GPHN: variants seen among roughly 807,000 people sequenced by gnomAD.
GPHN encodes the protein gephyrin.
A neutral mutation model predicts 95.5 loss-of-function variants in GPHN; 17 were observed. The ratio of observed to expected loss-of-function variants is 0.18; its 90% confidence interval spans 0.12 to 0.27. The LOEUF (loss-of-function observed/expected upper bound fraction) is 0.27. Among genes scored for constraint, GPHN ranks in the 10% least tolerant of loss-of-function variants. The pLI is 1.00. For missense variants in GPHN, 660 were observed against 978.1 expected, an observed-to-expected ratio of 0.67 and a Z score of 4.34; for synonymous variants, 320 against 322.5, an observed-to-expected ratio of 0.99 and a Z score of 0.08.
chr14:67,690,168 C>T, the GPHN span: 1 of 1,560,934 alleles, frequency 6.4e-7, no homozygotes, highest in Non-Finnish European at 8.8e-7. Flanking sequence ...TTTTACCTGC[C>T]TCTCTCTGAC....
At chr14:66,955,539 G>A (rs949992835) in intron 8 of GPHN, among the ~76,000 whole-genome samples, 29 of 151,764 alleles carry the variant, frequency 1.9e-4, no homozygotes, top group Non-Finnish European at 2.2e-4. Context: ...AGATTTGTTC[G>A]TTTTGTTATT....
chr14:67,558,376 C>A, the GPHN span, among the ~76,000 whole-genome samples: 1 of 152,270 alleles, frequency 6.6e-6, no homozygotes, highest in South Asian at 2.1e-4. Flanking sequence ...CAGCATTAAC[C>A]CAATAGGCCC....
Position 67,135,702 on chromosome 14 carries a change from A to T in GPHN, c.1749-7660A>T, listed in dbSNP as rs528398814. Among the ~76,000 whole-genome samples, 19 of 151,634 alleles carry T rather than the reference A, an allele frequency of 1.3e-4. No individual in the cohort carries two copies. In the East Asian group the frequency reaches 1.9e-3, roughly 15 times the overall value. On this transcript the variant is annotated intron_variant, in intron 17 of 22. Coordinates refer to ENST00000478722, the MANE Select transcript of GPHN (RefSeq NM_020806.5). ...ATGTTTTTGTTTTGCTTTTTTTTTT[A>T]AATCAATCTTGGCTGGAACTTAGTA...
the GPHN span, among the ~76,000 whole-genome samples, chr14:67,209,879 G>A: frequency 6.6e-6 from 1 of 150,492 alleles, no homozygotes; most frequent in Non-Finnish European, 1.5e-5. Flanking sequence ...TATATAAGTA[G>A]TTGGTAGGAA....
At chr14:67,084,187 T>C (rs1015634740) in intron 11 of GPHN, among the ~76,000 whole-genome samples, 3 of 152,184 alleles carry the variant, frequency 2.0e-5, no homozygotes, top group Non-Finnish European at 4.4e-5. Context: ...TAAGAGTAAA[T>C]GTAGTCCTTC....
At chr14:67,468,517 C>T in the GPHN span, among the ~76,000 whole-genome samples, 2 of 152,176 alleles carry the variant, frequency 1.3e-5, no homozygotes, top group African/African-American at 4.8e-5. Flanking sequence ...TGTTAGCTCT[C>T]CTGGGGCATT....
chr14:67,358,635 G>C, the GPHN span, among the ~76,000 whole-genome samples: 1 of 152,202 alleles, frequency 6.6e-6, no homozygotes, highest in Non-Finnish European at 1.5e-5. Context: ...AGGGGTTTGA[G>C]GCTGCTGTGA....
intron 6 of GPHN, among the ~76,000 whole-genome samples, chr14:66,922,368 T>C (rs2066269292): frequency 6.6e-6 from 1 of 152,046 alleles, no homozygotes; most frequent in South Asian, 2.1e-4. Flanking sequence ...TTAGATCATT[T>C]CACAGCACAT....
At chr14:66,573,155 G>C (rs1354334852) in intron 1 of GPHN, among the ~76,000 whole-genome samples, 1 of 152,208 alleles carries the variant, frequency 6.6e-6, no homozygotes, top group African/African-American at 2.4e-5. Context: ...CACTTGAAAA[G>C]AATGTGGATT....
intron 8 of GPHN, among the ~76,000 whole-genome samples, chr14:66,926,116 T>C (rs1198494432): frequency 6.6e-6 from 1 of 152,224 alleles, no homozygotes; most frequent in African/African-American, 2.4e-5. Context: ...TTTTTTCCTA[T>C]AGAGTTGTTT....
At chr14:67,722,101 T>A in the GPHN span, among the ~76,000 whole-genome samples, 1 of 152,112 alleles carries the variant, frequency 6.6e-6, no homozygotes, top group African/African-American at 2.4e-5. Flanking sequence ...GTTCCAGTCA[T>A]CTCCCTCCCC....
intron 9 of GPHN, among the ~76,000 whole-genome samples, chr14:66,989,348 C>T (rs982035807): frequency 3.3e-5 from 5 of 151,832 alleles, no homozygotes; most frequent in Admixed American, 6.6e-5. Context: ...TAGTCTTGTG[C>T]TCTTTCCTAA....
chr14:67,473,437 G>C, the GPHN span: 1 of 1,614,042 alleles, frequency 6.2e-7, no homozygotes, highest in Non-Finnish European at 8.5e-7. The surrounding 1 kb of genome is among the most constrained non-coding windows in gnomAD (Gnocchi z 6.5). Context: ...GTCTTGACAT[G>C]GCCGTTGGCC....
intron 1 of GPHN, among the ~76,000 whole-genome samples, chr14:66,630,324 CA>C (rs765619953): frequency 2.6e-5 from 4 of 151,988 alleles, no homozygotes; most frequent in South Asian, 2.1e-4. Flanking sequence ...TGTGTGGGGT[CA>C]GATCTATCCT....
chr14:67,646,591 C>A, the GPHN span: 1 of 1,424,812 alleles, frequency 7.0e-7, no homozygotes, highest in Non-Finnish European at 9.9e-7. Context: ...TGATAATGAT[C>A]TTGGTGAGAA....
intron 2 of GPHN, among the ~76,000 whole-genome samples, chr14:66,721,757 T>A (rs1595687564): frequency 6.6e-6 from 1 of 151,916 alleles, no homozygotes; most frequent in South Asian, 2.1e-4. Flanking sequence ...TTGAGACCAG[T>A]CTGGCCAACA....
At chr14:67,673,881 C>T in the GPHN span, among the ~76,000 whole-genome samples, 4 of 152,080 alleles carry the variant, frequency 2.6e-5, no homozygotes, top group Non-Finnish European at 4.4e-5. Context: ...CATCTAAATG[C>T]CACAATCAGG....
At chr14:67,101,793 A>C (rs1276286848) in intron 13 of GPHN, among the ~76,000 whole-genome samples, 1 of 151,534 alleles carries the variant, frequency 6.6e-6, no homozygotes, top group Non-Finnish European at 1.5e-5. Flanking sequence ...GGAGGTTTCC[A>C]AAAGGTTTTA....
At chr14:67,674,921 G>A in the GPHN span, 895 of 154,410 alleles carry the variant, frequency 5.8e-3, 1 homozygote, top group Non-Finnish European at 9.6e-3. Flanking sequence ...TGCACGCCGG[G>A]GGATGTAGTT....
Sources: gnomAD v4.1 joint callset for allele counts (sites outside exome capture counted in the v4.1 genomes callset) on GRCh38, gnomAD v4.1.1 for gene constraint, Gnocchi (gnomAD v3.1) non-coding constraint, MANE v1.5 for transcripts, NCBI Gene and HGNC (gene_info 2026-07-23, HGNC 2026-07-21) for gene names.